Variants in LINGO2 observed in about 807,000 individuals in gnomAD.
LINGO2 encodes the protein leucine rich repeat and Ig domain containing 2.
In LINGO2, 14 loss-of-function variants were observed where a neutral mutation model predicts 30.6. That is an observed-to-expected ratio of 0.46 (90% CI 0.30 to 0.72). The LOEUF is 0.72. Ranked by LOEUF, LINGO2 falls within the 30% of genes least tolerant of loss-of-function variation. LINGO2 has a pLI of 0.07. For synonymous variants in LINGO2, 317 were observed against 288.5 expected, an observed-to-expected ratio of 1.10 and a Z score of -1.00; for missense variants, 729 against 751.7, an observed-to-expected ratio of 0.97 and a Z score of 0.35.
the LINGO2 span, among the ~76,000 whole-genome samples, chr9:28,985,714 T>C: frequency 6.6e-6 from 1 of 152,092 alleles, no homozygotes; most frequent in South Asian, 2.1e-4. Context: ...TGTTGTTGTG[T>C]TATTTTCTCG....
At chr9:28,992,579 C>A in the LINGO2 span, among the ~76,000 whole-genome samples, 1 of 152,054 alleles carries the variant, frequency 6.6e-6, no homozygotes, top group African/African-American at 2.4e-5. Context: ...CAGCACCACA[C>A]CACACCTATT....
intron 3 of LINGO2, among the ~76,000 whole-genome samples, chr9:28,320,348 A>G (rs1201847185): frequency 4.6e-5 from 7 of 152,292 alleles, no homozygotes; most frequent in Non-Finnish European, 8.8e-5. Context: ...AAGGGAAACT[A>G]TAATTGTTTC....
chr9:28,760,957 T>TACACACACACACAC, the LINGO2 span, among the ~76,000 whole-genome samples: 1 of 148,886 alleles, frequency 6.7e-6, no homozygotes, highest in African/African-American at 2.5e-5. Context: ...CACACACACA[T>TACACACACACACAC]ACACACACAC....
rs1249724414 is a variant in LINGO2 at position 28,130,652 on chromosome 9, A to G, written c.-86-118247T>C. 1.3e-5 allele frequency among the ~76,000 whole-genome samples: 2 copies of G among 152,168 alleles called. No homozygotes were observed. Among genetic ancestry groups the G allele is most frequent in the Admixed American group, 6.6e-5 (1 of 15,256 alleles). Reference sequence around the variant, plus strand: ...AAAAGTCATTAATAAATATAATAATAGTGTCATGGTATGGAAGCCAGAGGG... The same window carrying G: ...AAAAGTCATTAATAAATATAATAATGGTGTCATGGTATGGAAGCCAGAGGG... On this transcript the variant is annotated intron_variant, in intron 4 of 5. Coordinates refer to ENST00000379992, the Ensembl canonical transcript of LINGO2. The surrounding 1 kb of genome is among the most constrained non-coding windows in gnomAD (Gnocchi z 5.2).
intron 4 of LINGO2, among the ~76,000 whole-genome samples, chr9:28,031,529 A>G (rs78737990): frequency 0.023 from 3,516 of 152,296 alleles, 136 homozygotes; most frequent in African/African-American, 0.08. Context: ...AGATTGCTTT[A>G]GTAGGAATCT....
At chr9:28,507,236 TGC>T (rs1491544552) in intron 1 of LINGO2, among the ~76,000 whole-genome samples, 2,376 of 121,608 alleles carry the variant, frequency 0.02, 54 homozygotes, top group African/African-American at 0.057. Flanking sequence ...TGTGTGTGTG[TGC>T]GTGCGTGCGC....
intron 4 of LINGO2, among the ~76,000 whole-genome samples, chr9:28,224,524 A>T (rs1821081771): frequency 6.6e-6 from 1 of 152,196 alleles, no homozygotes; most frequent in Admixed American, 6.5e-5. Context: ...TTGGAGAATT[A>T]TCTTACAGCT....
the LINGO2 span, among the ~76,000 whole-genome samples, chr9:28,810,124 C>T: frequency 1.9e-5 from 2 of 107,442 alleles, no homozygotes; most frequent in African/African-American, 7.2e-5. Flanking sequence ...TCATTATCTC[C>T]ATGAAAGGAA....
chr9:28,263,190 C>T (rs1418904616), intron 4 of LINGO2, among the ~76,000 whole-genome samples: 1 of 151,942 alleles, frequency 6.6e-6, no homozygotes, highest in Non-Finnish European at 1.5e-5. Context: ...ATTTGCTTCT[C>T]AAAGGCCAAC....
At chr9:28,454,171 A>G (rs1380131990) in intron 2 of LINGO2, among the ~76,000 whole-genome samples, 3 of 152,082 alleles carry the variant, frequency 2.0e-5, no homozygotes, top group African/African-American at 7.2e-5. Flanking sequence ...CATTAGTCAT[A>G]CTACTTCACT....
the LINGO2 span, among the ~76,000 whole-genome samples, chr9:29,039,001 C>T: frequency 1.3e-5 from 2 of 152,144 alleles, no homozygotes; most frequent in Admixed American, 1.3e-4. Flanking sequence ...TCAGTGACTA[C>T]TCAAATAATC....
At chr9:29,040,388 T>A in the LINGO2 span, among the ~76,000 whole-genome samples, 25 of 152,026 alleles carry the variant, frequency 1.6e-4, no homozygotes, top group Non-Finnish European at 2.2e-4. Flanking sequence ...AGAGAATTTT[T>A]ATAAGTTTAC....
chr9:28,041,408 T>G (rs1374528025), intron 4 of LINGO2, among the ~76,000 whole-genome samples: 1 of 152,124 alleles, frequency 6.6e-6, no homozygotes, highest in Non-Finnish European at 1.5e-5. Context: ...TGTGCTTCTG[T>G]GTATAAAACC....
intron 2 of LINGO2, among the ~76,000 whole-genome samples, chr9:28,460,094 T>C (rs753899961): frequency 6.6e-6 from 1 of 152,158 alleles, no homozygotes; most frequent in Non-Finnish European, 1.5e-5. Context: ...AATTTGAGTG[T>C]CTCTTTTATT....
At chr9:28,274,423 A>C (rs1318563566) in intron 4 of LINGO2, among the ~76,000 whole-genome samples, 3 of 152,172 alleles carry the variant, frequency 2.0e-5, no homozygotes. Flanking sequence ...GCATATTCTA[A>C]TTTTCTCACT....
exon 6 of LINGO2, chr9:27,950,212 T>C: frequency 6.2e-7 from 1 of 1,614,036 alleles, no homozygotes; most frequent in Non-Finnish European, 8.5e-7. Flanking sequence ...GACTTCAGGT[T>C]ATGTAGATCT....
the LINGO2 span, among the ~76,000 whole-genome samples, chr9:28,819,286 T>G: frequency 6.6e-6 from 1 of 152,206 alleles, no homozygotes; most frequent in Non-Finnish European, 1.5e-5. Context: ...TTTTCAGTCT[T>G]GGAGTCTGGC....
chr9:28,837,112 T>C, the LINGO2 span, among the ~76,000 whole-genome samples: 3 of 152,208 alleles, frequency 2.0e-5, no homozygotes, highest in African/African-American at 7.2e-5. Flanking sequence ...CCTCTGTTCT[T>C]TTCTATCCTG....
At chr9:28,771,847 C>T in the LINGO2 span, among the ~76,000 whole-genome samples, 1 of 151,962 alleles carries the variant, frequency 6.6e-6, no homozygotes, top group East Asian at 1.9e-4. Flanking sequence ...CAGTATAGAT[C>T]TTTTTTTGTA....
Sources: gnomAD v4.1 joint callset for allele counts (sites outside exome capture counted in the v4.1 genomes callset) on GRCh38, gnomAD v4.1.1 for gene constraint, Gnocchi (gnomAD v3.1) non-coding constraint, MANE v1.5 for transcripts, NCBI Gene and HGNC (gene_info 2026-07-23, HGNC 2026-07-21) for gene names.